Variants in CCSER1 observed in about 807,000 individuals in gnomAD.
CCSER1 encodes coiled-coil serine rich protein 1, also known as serine-rich coiled-coil domain-containing protein 1.
In CCSER1, 41 loss-of-function variants were observed where a neutral mutation model predicts 82.0. The ratio of observed to expected loss-of-function variants is 0.50; its 90% CI spans 0.39 to 0.65. The LOEUF (loss-of-function observed/expected upper bound fraction) is 0.65. Ranked by LOEUF, CCSER1 falls within the 30% of genes least tolerant of loss-of-function variation. The pLI is 0.00. For synonymous variants in CCSER1, 414 were observed against 383.9 expected (o/e 1.08, Z -0.92); for missense variants, 1,119 against 1,064.2 (o/e 1.05, Z -0.72).
At chr4:90,323,017 G>A (rs1391822658) in intron 3 of CCSER1, among the ~76,000 whole-genome samples, 3 of 152,224 alleles carry the variant, frequency 2.0e-5, no homozygotes, top group African/African-American at 7.2e-5. Context: ...CGGGCAGCAG[G>A]TTCCCTTCTA....
chr4:90,675,273 G>A (rs1733620846), intron 6 of CCSER1, among the ~76,000 whole-genome samples: 1 of 151,812 alleles, frequency 6.6e-6, no homozygotes, highest in African/African-American at 2.4e-5. Context: ...CAGTTGCAAG[G>A]CTTATTTCAA....
intron 5 of CCSER1, among the ~76,000 whole-genome samples, chr4:90,479,587 T>G (rs562328952): frequency 1.8e-4 from 27 of 151,690 alleles, no homozygotes; most frequent in African/African-American, 6.5e-4. Flanking sequence ...CCATGTGTAC[T>G]CATTGATCAA....
chr4:91,168,080 TGAG>T (rs1455544750), intron 10 of CCSER1, among the ~76,000 whole-genome samples: 1 of 134,048 alleles, frequency 7.5e-6, no homozygotes, highest in African/African-American at 2.9e-5. Context: ...TGGGAGGAAG[TGAG>T]GAGCGCCTCT....
chr4:90,421,609 A>C (rs904201984), intron 4 of CCSER1, among the ~76,000 whole-genome samples: 1 of 151,992 alleles, frequency 6.6e-6, no homozygotes, highest in African/African-American at 2.4e-5. Context: ...CAGATGTTTC[A>C]ATTGAAGGGT....
intron 6 of CCSER1, among the ~76,000 whole-genome samples, chr4:90,641,561 CA>C (rs1726523050): frequency 6.6e-6 from 1 of 152,120 alleles, no homozygotes; most frequent in Admixed American, 6.6e-5. Context: ...CCCTGTACAG[CA>C]ACATTACTCC....
chr4:91,250,544 G>A lies in CCSER1; in HGVS notation c.2217+164550G>A, dbSNP rs1200781949. 4.0e-5 allele frequency among the ~76,000 whole-genome samples: 6 copies of A among 151,634 alleles called. No individual in the cohort carries two copies. In the East Asian group the frequency reaches 5.8e-4, roughly 15 times the overall value. On this transcript the variant is annotated intron_variant, in intron 10 of 10. Transcript: ENST00000509176. ...TTTGGATTCCCCTAAATTTAGAATTGTGTTTTAGGCATGCATGCAAATTAA... is the reference window on the plus strand; with the variant it reads ...TTTGGATTCCCCTAAATTTAGAATTATGTTTTAGGCATGCATGCAAATTAA...
intron 10 of CCSER1, among the ~76,000 whole-genome samples, chr4:91,572,527 G>C (rs978026387): frequency 6.6e-6 from 1 of 152,116 alleles, no homozygotes; most frequent in Non-Finnish European, 1.5e-5. Flanking sequence ...CGGCAAAGAC[G>C]GTAGCCTGGT....
At chr4:90,263,708 C>T (rs1007945594) in intron 1 of CCSER1, among the ~76,000 whole-genome samples, 4 of 152,080 alleles carry the variant, frequency 2.6e-5, no homozygotes, top group African/African-American at 9.7e-5. Flanking sequence ...TTGAGCTTGC[C>T]CTAAGTAGTC....
intron 5 of CCSER1, among the ~76,000 whole-genome samples, chr4:90,541,280 G>A (rs1441091621): frequency 6.6e-6 from 1 of 152,028 alleles, no homozygotes; most frequent in Non-Finnish European, 1.5e-5. Flanking sequence ...AAATGTAAGA[G>A]AGAATGAATA....
At chr4:90,141,564 A>G (rs2153337505) in intron 1 of CCSER1, among the ~76,000 whole-genome samples, 1 of 152,346 alleles carries the variant, frequency 6.6e-6, no homozygotes, top group East Asian at 1.9e-4. Flanking sequence ...CAATATGTGC[A>G]AGAGACAATG....
At chr4:90,534,499 T>A (rs943940152) in intron 5 of CCSER1, among the ~76,000 whole-genome samples, 1 of 150,724 alleles carries the variant, frequency 6.6e-6, no homozygotes, top group African/African-American at 2.4e-5. Context: ...GATGTTTACC[T>A]ATTCTCTATA....
intron 3 of CCSER1, 125 bp from the exon 4 acceptor site, chr4:90,399,911 G>T: frequency 2.0e-6 from 1 of 512,250 alleles, no homozygotes; most frequent in Non-Finnish European, 3.5e-6. Flanking sequence ...AATGATTTCT[G>T]AGACTCAGTT....
intron 7 of CCSER1, among the ~76,000 whole-genome samples, chr4:90,773,350 G>C (rs1439054020): frequency 6.6e-6 from 1 of 152,148 alleles, no homozygotes; most frequent in Non-Finnish European, 1.5e-5. Context: ...TGGCAGCCTT[G>C]AAAGATGAAT....
intron 10 of CCSER1, among the ~76,000 whole-genome samples, chr4:91,351,928 A>G (rs929910481): frequency 2.0e-5 from 3 of 152,122 alleles, no homozygotes; most frequent in Non-Finnish European, 4.4e-5. Context: ...TTAATTGTAC[A>G]TAATATAAAT....
intron 10 of CCSER1, among the ~76,000 whole-genome samples, chr4:91,333,132 T>C (rs1747073705): frequency 6.6e-6 from 1 of 151,952 alleles, no homozygotes; most frequent in Admixed American, 6.6e-5. Flanking sequence ...ATGCTATTGT[T>C]ATGAGAGGAA....
chr4:91,058,405 C>G (rs1743643459), intron 9 of CCSER1, among the ~76,000 whole-genome samples: 1 of 152,072 alleles, frequency 6.6e-6, no homozygotes, highest in African/African-American at 2.4e-5. Flanking sequence ...TAAAATTTAC[C>G]TTCTCAATAG....
chr4:90,330,569 C>T (rs1739096506), intron 3 of CCSER1, among the ~76,000 whole-genome samples: 1 of 152,066 alleles, frequency 6.6e-6, no homozygotes. Flanking sequence ...ACCCAGCCGT[C>T]CACTGGAAGT....
intron 7 of CCSER1, among the ~76,000 whole-genome samples, chr4:90,734,024 A>G (rs1745227167): frequency 2.0e-5 from 3 of 151,996 alleles, no homozygotes; most frequent in Admixed American, 1.3e-4. Context: ...TGTGATTCCA[A>G]ATTTATAAAT....
At chr4:91,233,616 T>C (rs184689003) in intron 10 of CCSER1, among the ~76,000 whole-genome samples, 108 of 152,114 alleles carry the variant, frequency 7.1e-4, no homozygotes, top group African/African-American at 2.6e-3. Flanking sequence ...CATCCAACAA[T>C]ATTGTCTTAC....
Sources: allele counts gnomAD v4.1 joint callset (sites outside exome capture counted in the v4.1 genomes callset), GRCh38; gene constraint gnomAD v4.1.1; transcripts MANE v1.5; gene names NCBI Gene and HGNC (gene_info 2026-07-23, HGNC 2026-07-21).